Variants in OSBPL6 observed in about 807,000 individuals in gnomAD.
OSBPL6 encodes the protein oxysterol binding protein like 6.
A neutral mutation model predicts 125.8 loss-of-function variants in OSBPL6; 49 were observed. The observed-to-expected ratio is 0.39, with a 90% CI of 0.31 to 0.49. OSBPL6 has a LOEUF of 0.49. OSBPL6 is among the 20% of genes least tolerant of loss of function. The pLI is 0.88. For missense variants in OSBPL6, 986 were observed against 1,135.4 expected (o/e 0.87, Z 1.89); for synonymous variants, 394 against 391.8 (o/e 1.01, Z -0.07).
At chr2:178,295,022 A>C (rs995828456) in intron 2 of OSBPL6, among the ~76,000 whole-genome samples, 1 of 151,944 alleles carries the variant, frequency 6.6e-6, no homozygotes, top group Non-Finnish European at 1.5e-5. Context: ...TCTTTTTCTC[A>C]TGGGGTTTTT....
chr2:178,200,131 G>C (rs1257717873), intron 1 of OSBPL6, among the ~76,000 whole-genome samples: 1 of 152,070 alleles, frequency 6.6e-6, no homozygotes, highest in African/African-American at 2.4e-5. Flanking sequence ...TAAGTTGGAG[G>C]TGCTGGAGCT....
intron 5 of OSBPL6, among the ~76,000 whole-genome samples, chr2:178,330,541 C>T (rs143558397): frequency 1.3e-5 from 2 of 152,284 alleles, no homozygotes; most frequent in East Asian, 1.9e-4. Flanking sequence ...CCCGCAGAAC[C>T]TGTAACAAAG....
chr2:178,218,481 T>C (rs535601678), intron 1 of OSBPL6, among the ~76,000 whole-genome samples: 2 of 152,188 alleles, frequency 1.3e-5, no homozygotes, highest in South Asian at 4.2e-4. Flanking sequence ...TTCATTCTAT[T>C]AATAGAGGTA....
At position 178,249,984 on chromosome 2, in the gene OSBPL6, A is replaced by G. The variant is rs2091636937; in HGVS notation, c.-350-34943A>G. 1.3e-5 allele frequency among the ~76,000 whole-genome samples: 2 copies of G among 152,190 alleles called. 1 individual carries two copies. Among genetic ancestry groups the G allele is most frequent in the Admixed American group, 1.3e-4 (2 of 15,278 alleles). ...TCACCAATAGACATTTCAAACTTTA[A>G]GTACACAATAACACTAACAATACCT... On this transcript the variant is annotated intron_variant, in intron 1 of 24. Coordinates refer to ENST00000190611, the MANE Select transcript of OSBPL6 (RefSeq NM_032523.4).
intron 1 of OSBPL6, among the ~76,000 whole-genome samples, chr2:178,251,821 A>G (rs144445060): frequency 1.3e-5 from 2 of 152,332 alleles, no homozygotes; most frequent in Non-Finnish European, 2.9e-5. Flanking sequence ...TCATCAGACT[A>G]CAAATGATGG....
At chr2:178,286,719 T>C (rs943005239) in intron 2 of OSBPL6, among the ~76,000 whole-genome samples, 4 of 152,308 alleles carry the variant, frequency 2.6e-5, no homozygotes, top group Admixed American at 1.3e-4. Context: ...GTAAACTGAT[T>C]CACCAAGTAG....
At chr2:178,196,566 G>A (rs2088900175) in intron 1 of OSBPL6, among the ~76,000 whole-genome samples, 1 of 152,062 alleles carries the variant, frequency 6.6e-6, no homozygotes, top group African/African-American at 2.4e-5. Flanking sequence ...CTTATCCCTA[G>A]ATTGCTATAA....
intron 1 of OSBPL6, among the ~76,000 whole-genome samples, chr2:178,236,954 G>T (rs2091077682): frequency 6.6e-6 from 1 of 152,064 alleles, no homozygotes; most frequent in Non-Finnish European, 1.5e-5. Context: ...CCTTAGCTTG[G>T]ACCTCAAGTA....
intron 11 of OSBPL6, among the ~76,000 whole-genome samples, chr2:178,343,011 T>C (rs865791575): frequency 2.6e-5 from 4 of 152,186 alleles, no homozygotes; most frequent in African/African-American, 9.7e-5. Flanking sequence ...TGTGTGTATG[T>C]ATGTATGACA....
At chr2:178,362,707 A>G (rs542438193) in intron 13 of OSBPL6, among the ~76,000 whole-genome samples, 2 of 152,146 alleles carry the variant, frequency 1.3e-5, no homozygotes, top group Admixed American at 1.3e-4. Context: ...ACACCGTGTC[A>G]CCGTGTTTTA....
At chr2:178,319,230 G>T (rs1354771827) in intron 3 of OSBPL6, among the ~76,000 whole-genome samples, 2 of 152,118 alleles carry the variant, frequency 1.3e-5, no homozygotes, top group East Asian at 1.9e-4. Flanking sequence ...GTGTGTTTTT[G>T]AAAATAAAAT....
At chr2:178,314,085 C>T (rs1174372186) in intron 3 of OSBPL6, among the ~76,000 whole-genome samples, 1 of 152,246 alleles carries the variant, frequency 6.6e-6, no homozygotes, top group Non-Finnish European at 1.5e-5. Context: ...TCTCCTCCGA[C>T]TGAGCCTCTG....
At chr2:178,294,898 T>A (rs1184825777) in intron 2 of OSBPL6, among the ~76,000 whole-genome samples, 1 of 150,590 alleles carries the variant, frequency 6.6e-6, no homozygotes, top group African/African-American at 2.4e-5. Flanking sequence ...TGAGAACATG[T>A]AAAATCTACT....
At chr2:178,381,113 G>GT (rs1694437371) in intron 15 of OSBPL6, among the ~76,000 whole-genome samples, 1 of 152,178 alleles carries the variant, frequency 6.6e-6, no homozygotes. Flanking sequence ...TTTGAAGGAA[G>GT]TAAGTATCAG....
chr2:178,295,165 G>A (rs1200807303), intron 2 of OSBPL6, among the ~76,000 whole-genome samples: 1 of 152,112 alleles, frequency 6.6e-6, no homozygotes, highest in East Asian at 1.9e-4. Flanking sequence ...GGGAAATCTG[G>A]AGTTGGTGAG....
Position 178,392,430 on chromosome 2 carries a change from A to G in OSBPL6, c.2465A>G (p.Tyr822Cys), listed in dbSNP as rs1695487558. The change falls in exon 23 of 25, where the codon TAT becomes TGT. Residue 822 changes from tyrosine (Y) to cysteine (C), a missense_variant. Coordinates refer to ENST00000190611, the MANE Select transcript of OSBPL6 (RefSeq NM_032523.4). The part of the protein sequence containing the change: ...IWRPGSMPTN[Y>C]ELYYGFTRFA... The stretch of plus-strand genomic sequence containing the variant: ...TTTCCAGGTTCCATGCCAACAAACT[A>G]TGAGCTGTACTATGGCTTCACAAGG... 3.7e-6 allele frequency: 6 copies of G among 1,613,894 alleles called. No homozygotes were observed. The Middle Eastern group carries it at 6.6e-4, about 177-fold the overall frequency.
chr2:178,357,298 G>T (rs1691888847), intron 12 of OSBPL6, among the ~76,000 whole-genome samples: 1 of 152,184 alleles, frequency 6.6e-6, no homozygotes, highest in East Asian at 1.9e-4. Context: ...AGAATGAACA[G>T]GCAACCTACA....
intron 5 of OSBPL6, among the ~76,000 whole-genome samples, chr2:178,330,922 G>A (rs994178577): frequency 6.6e-6 from 1 of 152,140 alleles, no homozygotes; most frequent in Non-Finnish European, 1.5e-5. Flanking sequence ...AGAAAAAATT[G>A]CCAAAAACCC....
chr2:178,277,998 C>A (rs978498964), intron 1 of OSBPL6, among the ~76,000 whole-genome samples: 2 of 152,204 alleles, frequency 1.3e-5, no homozygotes, highest in African/African-American at 2.4e-5. Context: ...CAAACCTTTT[C>A]TCTGGCTTCC....
Sources: allele counts gnomAD v4.1 joint callset (sites outside exome capture counted in the v4.1 genomes callset), GRCh38; gene constraint gnomAD v4.1.1; transcripts MANE v1.5; gene names NCBI Gene and HGNC (gene_info 2026-07-23, HGNC 2026-07-21).